DPP6: variants seen among roughly 807,000 people sequenced by gnomAD.
DPP6 encodes the protein dipeptidyl peptidase like 6, also known as A-type potassium channel modulatory protein DPP6.
DPP6 carries 69 observed loss-of-function variants against 122.6 expected under a neutral mutation model. The observed-to-expected ratio is 0.56, with a 90% confidence interval of 0.46 to 0.69. The LOEUF (loss-of-function observed/expected upper bound fraction) is 0.69, where lower values mean the gene tolerates loss of function less well. Among genes scored for constraint, DPP6 ranks in the 30% least tolerant of loss-of-function variants. The pLI is 0.00. For synonymous variants in DPP6, 418 were observed against 433.1 expected (o/e 0.97, Z 0.43); for missense variants, 928 against 1,116.9 (o/e 0.83, Z 2.41).
At chr7:154,860,472 C>T (rs1189381107) in intron 17 of DPP6, among the ~76,000 whole-genome samples, 2 of 152,182 alleles carry the variant, frequency 1.3e-5, no homozygotes, top group East Asian at 3.9e-4. Context: ...TGCTGGGGGC[C>T]ATGGTGGAAA....
At chr7:153,763,480 A>G in the DPP6 span, among the ~76,000 whole-genome samples, 3 of 152,128 alleles carry the variant, frequency 2.0e-5, no homozygotes, top group Non-Finnish European at 4.4e-5. Flanking sequence ...AGAGCTCACC[A>G]GAACTGAATT....
chr7:154,737,328 C>T (rs1842614364), intron 8 of DPP6, among the ~76,000 whole-genome samples: 1 of 152,180 alleles, frequency 6.6e-6, no homozygotes, highest in African/African-American at 2.4e-5. Flanking sequence ...GCTCAAGTTC[C>T]TTGTGTGAAA....
intron 1 of DPP6, among the ~76,000 whole-genome samples, chr7:154,185,435 C>CA (rs1423465755): frequency 6.6e-6 from 1 of 152,068 alleles, no homozygotes; most frequent in Non-Finnish European, 1.5e-5. Context: ...GTATCAATAT[C>CA]AGAGTCCGTT....
the DPP6 span, among the ~76,000 whole-genome samples, chr7:153,781,356 T>G: frequency 7.2e-5 from 11 of 152,148 alleles, no homozygotes; most frequent in Non-Finnish European, 4.4e-5. Flanking sequence ...CAAGGGAAGT[T>G]GTTACGCAGA....
intron 1 of DPP6, among the ~76,000 whole-genome samples, chr7:154,239,280 G>A (rs192594435): frequency 2.6e-5 from 4 of 152,128 alleles, no homozygotes; most frequent in Non-Finnish European, 4.4e-5. Context: ...TTCTAGTGTC[G>A]TAGCTCTTAG....
intron 1 of DPP6, among the ~76,000 whole-genome samples, chr7:154,309,843 T>C (rs1585894310): frequency 6.6e-6 from 1 of 152,176 alleles, no homozygotes; most frequent in East Asian, 1.9e-4. Flanking sequence ...GTGGGGTTGG[T>C]GGCCCTTTCA....
chr7:154,705,523 G>T (rs1274171975), intron 7 of DPP6, among the ~76,000 whole-genome samples: 1 of 152,194 alleles, frequency 6.6e-6, no homozygotes, highest in Non-Finnish European at 1.5e-5. Flanking sequence ...GCAAGAAGCA[G>T]TAGACTCTGA....
At chr7:154,130,534 T>C (rs909901137) in intron 1 of DPP6, among the ~76,000 whole-genome samples, 5 of 152,218 alleles carry the variant, frequency 3.3e-5, no homozygotes, top group Admixed American at 3.3e-4. Context: ...TTAAAGACTT[T>C]CTTGAGTGCT....
chr7:154,599,863 T>C (rs1185291426), intron 5 of DPP6, among the ~76,000 whole-genome samples: 1 of 152,162 alleles, frequency 6.6e-6, no homozygotes, highest in Non-Finnish European at 1.5e-5. Flanking sequence ...CTTCCTTTCA[T>C]GGTAGGCACA....
chr7:154,516,235 G>C (rs868270125), intron 3 of DPP6, among the ~76,000 whole-genome samples: 2 of 150,952 alleles, frequency 1.3e-5, no homozygotes, highest in South Asian at 4.2e-4. Flanking sequence ...TGACCAGAAG[G>C]ACTTCCTCAA....
At position 154,265,067 on chromosome 7, in the gene DPP6, T is replaced by C. The variant is rs1182839450; in HGVS notation, c.244-181147T>C. ...GATAATGATGGTGATCATGATGGTG[T>C]TAATGGTGATGATGATGGTGATGAT... is the stretch of plus-strand genomic sequence containing the variant. On this transcript the variant is annotated intron_variant, in intron 1 of 25. Transcript: ENST00000377770. Among the ~76,000 whole-genome samples the C allele has an allele frequency of 1.3e-4, 18 of 141,034 alleles. 2 individuals carry two copies. The highest frequency in any genetic ancestry group is 4.5e-4 in the African/African-American group (17 of 37,586). The allele number at this position is 141,034 out of a possible 152,430, so 92.5% of individuals were successfully genotyped here.
At chr7:153,865,260 A>C in the DPP6 span, among the ~76,000 whole-genome samples, 1 of 152,222 alleles carries the variant, frequency 6.6e-6, no homozygotes, top group Non-Finnish European at 1.5e-5. Flanking sequence ...TTACAGAATA[A>C]GATGGAGTAT....
chr7:153,985,846 A>G (rs912342448), intron 1 of DPP6, among the ~76,000 whole-genome samples: 1 of 152,214 alleles, frequency 6.6e-6, no homozygotes, highest in African/African-American at 2.4e-5. Flanking sequence ...ACATTCTGGA[A>G]CAAAAATCTA....
At chr7:154,194,150 C>A (rs777086355) in intron 1 of DPP6, among the ~76,000 whole-genome samples, 1 of 152,108 alleles carries the variant, frequency 6.6e-6, no homozygotes, top group African/African-American at 2.4e-5. Flanking sequence ...CTGTGAAACC[C>A]GTCCCATTTC....
rs193230102 is a variant in DPP6, at chr7:154,509,278, A to C, written c.458-31254A>C. On this transcript the variant is annotated intron_variant, in intron 3 of 25. Coordinates refer to ENST00000377770, the MANE Select transcript of DPP6 (RefSeq NM_130797.4). ...AGACTATATAAGAATGCTTAAACCC[A>C]ATAATAAAAAGACAATTATTCCAAT... Among the ~76,000 whole-genome samples, 136 of 152,352 alleles carry C rather than the reference A, an allele frequency of 8.9e-4. 3 individuals are homozygous for C. In the East Asian group the frequency reaches 0.023, roughly 26 times the overall value.
intron 1 of DPP6, among the ~76,000 whole-genome samples, chr7:154,367,446 G>A (rs954328787): frequency 2.0e-5 from 3 of 152,102 alleles, no homozygotes; most frequent in African/African-American, 7.2e-5. Flanking sequence ...AAATATTTCT[G>A]CATTCAAATA....
intron 16 of DPP6, among the ~76,000 whole-genome samples, chr7:154,817,029 A>G (rs778529976): frequency 3.9e-5 from 6 of 152,048 alleles, no homozygotes; most frequent in Non-Finnish European, 8.8e-5. Flanking sequence ...TTTCCCCTCC[A>G]TGCCTTCAGG....
chr7:153,860,795 G>T, the DPP6 span, among the ~76,000 whole-genome samples: 1 of 152,054 alleles, frequency 6.6e-6, no homozygotes, highest in Non-Finnish European at 1.5e-5. Flanking sequence ...ACTATTTATA[G>T]CATACTTTAC....
rs552670620 is a variant in DPP6, at chr7:154,287,679, C to T, written c.244-158535C>T. Among the ~76,000 whole-genome samples, 7 of 152,292 alleles carry T rather than the reference C, an allele frequency of 4.6e-5. No homozygotes were observed. The South Asian group carries it at 8.3e-4, about 18-fold the overall frequency. Reference sequence around the variant, plus strand: ...GCTTGGCTTGTGGAGACGACCAGCTCGGCCACACTTCTGAGATTAGGACTC... The same window carrying T: ...GCTTGGCTTGTGGAGACGACCAGCTTGGCCACACTTCTGAGATTAGGACTC... On this transcript the variant is annotated intron_variant, in intron 1 of 25. Transcript: ENST00000377770.
Sources: gnomAD v4.1 joint callset for allele counts (sites outside exome capture counted in the v4.1 genomes callset) on GRCh38, gnomAD v4.1.1 for gene constraint, MANE v1.5 for transcripts, NCBI Gene and HGNC (gene_info 2026-07-23, HGNC 2026-07-21) for gene names.